Variants in CTNNA2 observed in about 807,000 individuals in gnomAD.
The protein encoded by CTNNA2 is catenin alpha-2.
A neutral mutation model predicts 101.0 loss-of-function variants in CTNNA2; 42 were observed. The ratio of observed to expected loss-of-function variants is 0.42; its 90% CI spans 0.32 to 0.54. The LOEUF is 0.54. Among genes scored for constraint, CTNNA2 ranks in the 20% least tolerant of loss-of-function variants. The pLI is 0.14. For missense variants in CTNNA2, 871 were observed against 1,223.1 expected (o/e 0.71, Z 4.29); for synonymous variants, 450 against 456.4 (o/e 0.99, Z 0.18).
intron 3 of CTNNA2, among the ~76,000 whole-genome samples, chr2:79,851,221 A>G (rs961183903): frequency 6.6e-6 from 1 of 152,212 alleles, no homozygotes; most frequent in Admixed American, 6.5e-5. Flanking sequence ...TTCATTTAAC[A>G]TTTAAGTTTG....
intron 1 of CTNNA2, among the ~76,000 whole-genome samples, chr2:79,574,461 A>C (rs1003443944): frequency 2.6e-5 from 4 of 152,140 alleles, no homozygotes; most frequent in African/African-American, 9.7e-5. Context: ...AAGTGAGAAC[A>C]TGTGGTATTT....
intron 3 of CTNNA2, among the ~76,000 whole-genome samples, chr2:79,850,251 C>G (rs894000635): frequency 6.9e-5 from 10 of 144,948 alleles, no homozygotes; most frequent in South Asian, 2.3e-4. Context: ...CTCTGTTTCT[C>G]TCTCCCTCCC....
At chr2:80,367,117 G>C (rs932574571) in intron 7 of CTNNA2, among the ~76,000 whole-genome samples, 15 of 151,778 alleles carry the variant, frequency 9.9e-5, no homozygotes, top group African/African-American at 3.4e-4. Flanking sequence ...AGGCAGGTTT[G>C]CTCTAAGCAG....
intron 3 of CTNNA2, among the ~76,000 whole-genome samples, chr2:79,786,461 C>T (rs1288682777): frequency 6.6e-6 from 1 of 151,712 alleles, no homozygotes; most frequent in African/African-American, 2.4e-5. Context: ...TTATTTTTAC[C>T]TCAAGAATAA....
intron 2 of CTNNA2, among the ~76,000 whole-genome samples, chr2:79,733,257 G>T (rs1687313859): frequency 6.6e-6 from 1 of 152,006 alleles, no homozygotes; most frequent in Non-Finnish European, 1.5e-5. Context: ...AAGGACACTG[G>T]GATGAGATTC....
At chr2:80,587,332 C>T (rs1696063530) in intron 14 of CTNNA2, among the ~76,000 whole-genome samples, 1 of 152,102 alleles carries the variant, frequency 6.6e-6, no homozygotes, top group Admixed American at 6.6e-5. Context: ...CCGAGCCCAT[C>T]CCTTTCCCTA....
intron 9 of CTNNA2, among the ~76,000 whole-genome samples, chr2:80,517,026 T>C (rs553983181): frequency 6.6e-6 from 1 of 152,108 alleles, no homozygotes; most frequent in African/African-American, 2.4e-5. Context: ...CAGAAAACAA[T>C]CCTCCTGTTT....
At chr2:79,746,300 G>A (rs1032807963) in intron 3 of CTNNA2, among the ~76,000 whole-genome samples, 1 of 152,050 alleles carries the variant, frequency 6.6e-6, no homozygotes, top group African/African-American at 2.4e-5. Flanking sequence ...ATATAGTCTG[G>A]ATATTAGCAT....
intron 9 of CTNNA2, among the ~76,000 whole-genome samples, chr2:80,466,619 AT>A (rs1342389367): frequency 6.6e-6 from 1 of 152,218 alleles, no homozygotes; most frequent in Admixed American, 6.5e-5. Context: ...TCAAAAAAAA[AT>A]CTTACTTCAA....
chr2:79,583,720 C>T (rs906674212), intron 1 of CTNNA2, among the ~76,000 whole-genome samples: 7 of 152,066 alleles, frequency 4.6e-5, no homozygotes, highest in African/African-American at 1.7e-4. Flanking sequence ...AATTATTTAA[C>T]CATTTTAATA....
chr2:80,306,753 C>T (rs1486990597), intron 7 of CTNNA2, among the ~76,000 whole-genome samples: 1 of 151,604 alleles, frequency 6.6e-6, no homozygotes, highest in Non-Finnish European at 1.5e-5. Flanking sequence ...AGCCATTCAG[C>T]GAGTACTGTG....
At chr2:79,653,882 C>G (rs149698092) in intron 2 of CTNNA2, among the ~76,000 whole-genome samples, 152 of 152,254 alleles carry the variant, frequency 1.0e-3, no homozygotes, top group South Asian at 6.8e-3. Flanking sequence ...TGTAGGAATC[C>G]GTCCAGCTGA....
chr2:79,302,813 C>T (rs1349376151), intron 2 of CTNNA2, among the ~76,000 whole-genome samples: 1 of 152,124 alleles, frequency 6.6e-6, no homozygotes, highest in Non-Finnish European at 1.5e-5. Flanking sequence ...TAAAATTTGC[C>T]AACATTTGTT....
intron 3 of CTNNA2, among the ~76,000 whole-genome samples, chr2:79,837,216 T>C (rs1352585682): frequency 1.3e-5 from 2 of 152,128 alleles, no homozygotes; most frequent in African/African-American, 2.4e-5. Context: ...GGAGAGTCAG[T>C]CTGAGTTCCA....
chr2:80,083,050 A>G (rs78478562), intron 7 of CTNNA2, among the ~76,000 whole-genome samples: 1 of 152,232 alleles, frequency 6.6e-6, no homozygotes, highest in East Asian at 1.9e-4. Flanking sequence ...CTGAAAAAAT[A>G]TAAGGTTTTC....
intron 8 of CTNNA2, among the ~76,000 whole-genome samples, chr2:80,408,709 G>T (rs911203931): frequency 6.6e-6 from 1 of 152,286 alleles, no homozygotes; most frequent in East Asian, 1.9e-4. Flanking sequence ...GGGACATAAG[G>T]CTGGGAGTAA....
chr2:79,383,462 T>C (rs1678062133), intron 4 of CTNNA2, among the ~76,000 whole-genome samples: 1 of 152,166 alleles, frequency 6.6e-6, no homozygotes, highest in Non-Finnish European at 1.5e-5. Context: ...CTTTGTAGTT[T>C]CTGTGTAGAA....
intron 2 of CTNNA2, among the ~76,000 whole-genome samples, chr2:79,237,774 G>C (rs1476612995): frequency 6.6e-6 from 1 of 152,118 alleles, no homozygotes; most frequent in African/African-American, 2.4e-5. Context: ...CTGCTAGCTT[G>C]AAACTTTCCT....
At chr2:80,219,605 A>G (rs1254665549) in intron 7 of CTNNA2, among the ~76,000 whole-genome samples, 1 of 152,260 alleles carries the variant, frequency 6.6e-6, no homozygotes, top group East Asian at 1.9e-4. Context: ...CTTCTCTGTA[A>G]TACCTGTAAC....
Sources: gnomAD v4.1 joint callset for allele counts (sites outside exome capture counted in the v4.1 genomes callset) on GRCh38, gnomAD v4.1.1 for gene constraint, MANE v1.5 for transcripts, NCBI Gene and HGNC (gene_info 2026-07-23, HGNC 2026-07-21) for gene names.